Variants in NTRK1 observed in about 807,000 individuals in gnomAD.
NTRK1 encodes the protein neurotrophic receptor tyrosine kinase 1.
In NTRK1, 62 loss-of-function variants were observed where a neutral mutation model predicts 86.8. The ratio of observed to expected loss-of-function variants is 0.71; its 90% CI spans 0.58 to 0.88. The LOEUF is 0.88. Among genes scored for constraint, NTRK1 ranks in the 40% least tolerant of loss-of-function variants. The probability of loss-of-function intolerance (pLI) is 0.00; values close to 1 mark genes in which losing one functional copy is unlikely to be tolerated. For missense variants in NTRK1, 967 were observed against 1,078.4 expected, an observed-to-expected ratio of 0.90 and a Z score of 1.45; for synonymous variants, 469 against 456.6, an observed-to-expected ratio of 1.03 and a Z score of -0.35.
intron 1 of NTRK1, chr1:156,816,547 G>T: frequency 1.2e-6 from 1 of 805,518 alleles, no homozygotes; most frequent in Non-Finnish European, 2.0e-6. Context: ...CTGCCAATCA[G>T]CTTTGCCAGC....
intron 6 of NTRK1, 39 bp downstream of exon 6, chr1:156,868,686 G>A (rs1327769841): frequency 6.5e-7 from 1 of 1,548,112 alleles, no homozygotes; most frequent in South Asian, 1.2e-5. Flanking sequence ...AGAGGTCCAG[G>A]CAGAGCACAG....
chr1:156,841,030 A>G, intron 1 of NTRK1: 2 of 1,603,158 alleles, frequency 1.2e-6, no homozygotes, highest in Non-Finnish European at 1.7e-6. Flanking sequence ...CTCCTCCTGT[A>G]TGCTGTCCAG....
At position 156,874,889 on chromosome 1, in the gene NTRK1, C is replaced by T. The variant is rs1647799454; in HGVS notation, c.1252-17C>T. Reference sequence around the variant, plus strand: ...CAGGAGGAGCCCCTGGATCTAACTACCCCTGTCCCCCACCAGGTCTCGGTG... The same window carrying T: ...CAGGAGGAGCCCCTGGATCTAACTATCCCTGTCCCCCACCAGGTCTCGGTG... On this transcript the variant is annotated splice_polypyrimidine_tract_variant and intron_variant, in intron 10 of 16. Coordinates refer to ENST00000524377, the MANE Select transcript of NTRK1 (RefSeq NM_002529.4). 1 of 1,585,114 alleles carries T rather than the reference C, an allele frequency of 6.3e-7. No individual in the cohort carries two copies. The highest frequency in any genetic ancestry group is 8.7e-7 in the Non-Finnish European group (1 of 1,154,016).
intron 1 of NTRK1, among the ~76,000 whole-genome samples, chr1:156,820,690 T>A (rs1308632783): frequency 6.6e-6 from 1 of 152,258 alleles, no homozygotes; most frequent in Admixed American, 6.5e-5. Context: ...ACTATAGCCT[T>A]GTAGTTTAAT....
chr1:156,816,762 A>G lies in NTRK1; in HGVS notation c.-64+924A>G, dbSNP rs897827378. ...CAGGGTGTGTGTATGTGTTCCGGAA[A>G]GGTGTGCACACTCAGCAACTCATCA... On this transcript the variant is annotated intron_variant, in intron 1 of 16. Coordinates refer to the NTRK1 transcript ENST00000392302. 4 of 1,505,268 alleles carry G rather than the reference A, an allele frequency of 2.7e-6. No individual in the cohort carries two copies. In the African/African-American group the frequency reaches 5.7e-5, roughly 21 times the overall value. 93.2% of individuals were successfully genotyped at this position (1,505,268 alleles called of 1,614,324 possible).
At chr1:156,847,131 C>T (rs892570411) in intron 2 of NTRK1, among the ~76,000 whole-genome samples, 19 of 152,222 alleles carry the variant, frequency 1.2e-4, no homozygotes, top group African/African-American at 4.1e-4. Flanking sequence ...TTGCCTGGAA[C>T]GAGGAACAGG....
chr1:156,863,680 G>GTA (rs200196125), intron 1 of NTRK1, among the ~76,000 whole-genome samples: 2,296 of 152,122 alleles, frequency 0.015, 45 homozygotes, highest in African/African-American at 0.051. Context: ...GTGTGTGTGT[G>GTA]TATGTCTGTG....
chr1:156,838,889 G>C (rs546547614), intron 1 of NTRK1, among the ~76,000 whole-genome samples: 5 of 152,246 alleles, frequency 3.3e-5, no homozygotes, highest in Admixed American at 6.5e-5. Flanking sequence ...CCCTGCAGGC[G>C]TGTGCAAATG....
chr1:156,835,227 C>T (rs540453800), intron 1 of NTRK1, among the ~76,000 whole-genome samples: 20 of 152,248 alleles, frequency 1.3e-4, no homozygotes, highest in South Asian at 6.2e-4. Context: ...ATGGAAGACA[C>T]GGTAGGGCTA....
intron 3 of NTRK1, among the ~76,000 whole-genome samples, chr1:156,866,327 C>T (rs111274561): frequency 2.0e-3 from 309 of 152,308 alleles, no homozygotes; most frequent in African/African-American, 7.0e-3. Flanking sequence ...GGAGCCGGGC[C>T]CCTGCTGGGC....
intron 9 of NTRK1, 31 bp from the exon 10 acceptor site, chr1:156,874,540 G>A: frequency 6.2e-7 from 1 of 1,613,068 alleles, no homozygotes; most frequent in Non-Finnish European, 8.5e-7. Flanking sequence ...TGTGTGTCAA[G>A]GCTCACCCCT....
intron 2 of NTRK1, chr1:156,851,245 G>A: frequency 6.2e-7 from 1 of 1,609,990 alleles, no homozygotes; most frequent in South Asian, 1.1e-5. Flanking sequence ...GAGTGTTGGA[G>A]GAAGGAGTGT....
At chr1:156,851,164 C>T in intron 2 of NTRK1, 1 of 979,000 alleles carries the variant, frequency 1.0e-6, no homozygotes, top group Non-Finnish European at 1.6e-6. Context: ...AGAAGTTAAC[C>T]TACTTAGAGT....
At position 156,876,387 on chromosome 1, in the gene NTRK1, C is replaced by T. The variant is rs771615701; in HGVS notation, c.1633-13C>T. 33 of 1,613,510 alleles carry T rather than the reference C, an allele frequency of 2.0e-5. No homozygotes were observed. Among genetic ancestry groups the T allele is most frequent in the Middle Eastern group, 1.6e-4 (1 of 6,068 alleles). On this transcript the variant is annotated splice_polypyrimidine_tract_variant and intron_variant, in intron 13 of 16. Coordinates refer to ENST00000524377, the MANE Select transcript of NTRK1 (RefSeq NM_002529.4). ...GCCCCCAACTCAGTCCTGTCCCTGC[C>T]GCTTCCATCCAGGCACTGAAGGAGG...
At chr1:156,864,697 T>C (rs1655842011) in intron 2 of NTRK1, 31 bp from the exon 3 acceptor site, 1 of 1,612,226 alleles carries the variant, frequency 6.2e-7, no homozygotes, top group Non-Finnish European at 8.5e-7. Flanking sequence ...AGCTGAGACC[T>C]GGGGACTGAT....
intron 2 of NTRK1, chr1:156,842,959 T>A (rs780270416): frequency 1.4e-6 from 2 of 1,465,030 alleles, no homozygotes; most frequent in Admixed American, 3.4e-5. Flanking sequence ...CCACATGACC[T>A]TTACACTAAT....
intron 13 of NTRK1, 34 bp downstream of exon 13, chr1:156,876,244 G>T (rs778324168): frequency 1.9e-6 from 3 of 1,613,228 alleles, no homozygotes; most frequent in Non-Finnish European, 2.5e-6. Context: ...CTGCTGGCCT[G>T]GGTCCCACCC....
chr1:156,863,981 G>A (rs1459283512), intron 1 of NTRK1, among the ~76,000 whole-genome samples: 3 of 152,156 alleles, frequency 2.0e-5, no homozygotes, highest in Non-Finnish European at 4.4e-5. Flanking sequence ...TGTTCCTGCA[G>A]GCACATGTGC....
At chr1:156,849,167 C>T (rs996624552) in intron 2 of NTRK1, 4 of 1,601,242 alleles carry the variant, frequency 2.5e-6, no homozygotes, top group African/African-American at 2.7e-5. Context: ...GAGTGTCCCC[C>T]TCGAGCTTTC....
Sources: gnomAD v4.1 joint callset for allele counts (sites outside exome capture counted in the v4.1 genomes callset) on GRCh38, gnomAD v4.1.1 for gene constraint, MANE v1.5 for transcripts, NCBI Gene and HGNC (gene_info 2026-07-23, HGNC 2026-07-21) for gene names.